MBLAC2: variants seen among roughly 807,000 people sequenced by gnomAD.
MBLAC2 encodes metallo-beta-lactamase domain containing 2, also known as acyl-coenzyme A thioesterase MBLAC2.
In MBLAC2, 24 loss-of-function variants were observed where a neutral mutation model predicts 23.3. The observed-to-expected ratio is 1.03, with a 90% CI of 0.75 to 1.45. The LOEUF is 1.45. MBLAC2 is among the 40% of genes most tolerant of loss of function. The probability of loss-of-function intolerance (pLI) is 0.00; values close to 1 mark genes in which losing one functional copy is unlikely to be tolerated. For missense variants in MBLAC2, 358 were observed against 370.0 expected (o/e 0.97, Z 0.27); for synonymous variants, 162 against 150.9 (o/e 1.07, Z -0.54).
At chr5:90,465,216 A>C (rs1750428589) in intron 1 of MBLAC2, among the ~76,000 whole-genome samples, 1 of 152,236 alleles carries the variant, frequency 6.6e-6, no homozygotes, top group South Asian at 2.1e-4. Context: ...ATCAAAAATG[A>C]ATTTTAAGAC....
chr5:90,461,639 A>G, intron 1 of MBLAC2, 87 bp from the exon 2 acceptor site: 2 of 1,245,218 alleles, frequency 1.6e-6, no homozygotes, highest in Non-Finnish European at 2.2e-6. Context: ...ATGCTTCCAA[A>G]GAAATTGGGA....
At chr5:90,467,755 G>A (rs985740195) in intron 1 of MBLAC2, among the ~76,000 whole-genome samples, 87 of 101,914 alleles carry the variant, frequency 8.5e-4, no homozygotes, top group African/African-American at 3.2e-3. Flanking sequence ...TGGGGGGGGC[G>A]GTTTGTTTGT....
In MBLAC2 at chr5:90,461,537, A is replaced by G. The variant is rs779764179; in HGVS notation, c.470T>C (p.Leu157Pro). 6.2e-7 allele frequency: 1 copy of G among 1,610,254 alleles called. No individual in the cohort carries two copies. Among genetic ancestry groups the G allele is most frequent in the Non-Finnish European group, 8.5e-7 (1 of 1,178,144 alleles). The change falls in exon 2 of 2, where the codon CTT becomes CCT. Residue 157 changes from leucine to proline, a missense_variant. Transcript: ENST00000316610. Reference sequence around the variant, plus strand: ...CATAACAGTGAGCTGTCTGTCACCAAGGTTGATCACATCCCCTACAAATGG... The same window carrying G: ...CATAACAGTGAGCTGTCTGTCACCAGGGTTGATCACATCCCCTACAAATGG... Reference protein sequence around the residue: ...LILQDGDVINLGDRQLTVMHM... With the variant: ...LILQDGDVINPGDRQLTVMHM...
intron 1 of MBLAC2, chr5:90,472,488 A>C (rs1750571709): frequency 6.6e-6 from 1 of 151,776 alleles, no homozygotes; most frequent in South Asian, 2.1e-4. Context: ...GGTGGGTGTG[A>C]GGTACAGAAT....
At position 90,458,500 on chromosome 5, in the gene MBLAC2, A is replaced by G. The variant is rs1750303172; in HGVS notation, c.*2667T>C. ...AACTTTGAATTATACTTACATACTA[A>G]TATTTCCAAAAATCATTTAAGTTAC... On this transcript the variant is annotated 3_prime_UTR_variant, in exon 2 of 2. Transcript: ENST00000316610. The G allele has an allele frequency of 6.6e-6, 1 of 152,224 alleles. No individual in the cohort carries two copies. Among genetic ancestry groups the G allele is most frequent in the Non-Finnish European group, 1.5e-5 (1 of 68,022 alleles). 9.4% of individuals were successfully genotyped at this position (152,224 alleles called of 1,614,324 possible).
rs1272373341 is a variant in MBLAC2, at chr5:90,474,712, G to A, written c.-420C>T. ...GAAGAGCTAGAACCGCCCACCCACT[G>A]GCTCTGCAGGGCGCGCACTCCCAGC... On this transcript the variant is annotated 5_prime_UTR_variant, in exon 1 of 2. Coordinates refer to ENST00000316610, the MANE Select transcript of MBLAC2 (RefSeq NM_203406.2). The A allele has an allele frequency of 9.7e-6, 2 of 207,160 alleles. No homozygotes were observed. Among genetic ancestry groups the A allele is most frequent in the Non-Finnish European group, 1.9e-5 (2 of 103,090 alleles). 12.8% of individuals were successfully genotyped at this position (207,160 alleles called of 1,614,324 possible). A position where few individuals can be genotyped will look rare whatever the true frequency, so the allele number is the denominator to read the frequency against.
rs1001341621 is a variant in MBLAC2 at position 90,473,676 on chromosome 5, G to A, written c.454+163C>T. Reference sequence around the variant, plus strand: ...GAAGGCTGTGATGGCCTTGACTCTGGTCAAGTGGGTTTTTACTCAGGGAAG... The same window carrying A: ...GAAGGCTGTGATGGCCTTGACTCTGATCAAGTGGGTTTTTACTCAGGGAAG... On this transcript the variant is annotated intron_variant, in intron 1 of 1. Coordinates refer to ENST00000316610, the MANE Select transcript of MBLAC2 (RefSeq NM_203406.2). 16 of 747,146 alleles carry A rather than the reference G, an allele frequency of 2.1e-5. No homozygotes were observed. In the Admixed American group the frequency reaches 2.2e-4, roughly 10 times the overall value. 46.3% of individuals were successfully genotyped at this position (747,146 alleles called of 1,614,324 possible). A position where few individuals can be genotyped will look rare whatever the true frequency, so the allele number is the denominator to read the frequency against.
Position 90,459,076 on chromosome 5 carries a change from A to G in MBLAC2, c.*2091T>C, listed in dbSNP as rs1750312595. On this transcript the variant is annotated 3_prime_UTR_variant, in exon 2 of 2. Transcript: ENST00000316610. Reference sequence around the variant, plus strand: ...ATATGATAAAAATGGTCAGTGGTTAAGGACTTTTGGTTTTCCTTTGTGCTA... The same window carrying G: ...ATATGATAAAAATGGTCAGTGGTTAGGGACTTTTGGTTTTCCTTTGTGCTA... 1 of 152,578 alleles carries G rather than the reference A, an allele frequency of 6.6e-6. No individual in the cohort carries two copies. The highest frequency in any genetic ancestry group is 2.4e-5 in the African/African-American group (1 of 41,446). The allele number at this position is 152,578 out of a possible 1,614,324, so 9.5% of individuals were successfully genotyped here. A position where few individuals can be genotyped will look rare whatever the true frequency, so the allele number is the denominator to read the frequency against.
At chr5:90,471,602 T>C (rs1264449473) in intron 1 of MBLAC2, 1 of 152,132 alleles carries the variant, frequency 6.6e-6, no homozygotes, top group East Asian at 1.9e-4. Flanking sequence ...TGCTTCTCCA[T>C]GACAAGTGAT....
intron 1 of MBLAC2, among the ~76,000 whole-genome samples, chr5:90,463,085 TTTTG>T (rs1308444413): frequency 6.6e-6 from 1 of 152,222 alleles, no homozygotes; most frequent in East Asian, 1.9e-4. Context: ...CATGTAGTCT[TTTTG>T]TTTGTTTTTT....
At position 90,461,068 on chromosome 5, in the gene MBLAC2, G is replaced by T; in HGVS notation, c.*99C>A. ...AATCTTTCTCTGATATATAATAGTG[G>T]TATAAAAGCACTTCATGAAATGCTC... On this transcript the variant is annotated 3_prime_UTR_variant, in exon 2 of 2. Transcript: ENST00000316610. 3.2e-6 allele frequency: 3 copies of T among 935,194 alleles called. No individual in the cohort carries two copies. Among genetic ancestry groups the T allele is most frequent in the Admixed American group, 3.2e-5 (1 of 31,088 alleles). The allele number at this position is 935,194 out of a possible 1,614,324, so 57.9% of individuals were successfully genotyped here. A position where few individuals can be genotyped will look rare whatever the true frequency, so the allele number is the denominator to read the frequency against.
chr5:90,469,079 G>C (rs1006019928), intron 1 of MBLAC2, among the ~76,000 whole-genome samples: 1 of 151,978 alleles, frequency 6.6e-6, no homozygotes, highest in Admixed American at 6.6e-5. Context: ...AAATAACCAA[G>C]ATCAGCCTCC....
intron 1 of MBLAC2, among the ~76,000 whole-genome samples, chr5:90,464,149 A>G (rs1407604415): frequency 6.6e-6 from 1 of 152,252 alleles, no homozygotes; most frequent in Non-Finnish European, 1.5e-5. Context: ...AATTCTGTCA[A>G]TCATTTTATA....
chr5:90,465,844 G>A (rs1043847327), intron 1 of MBLAC2, among the ~76,000 whole-genome samples: 8 of 152,148 alleles, frequency 5.3e-5, no homozygotes, highest in Non-Finnish European at 8.8e-5. Context: ...TGGGATTACA[G>A]GTGAGTCACC....
intron 1 of MBLAC2, chr5:90,473,592 C>T (rs1750610821): frequency 3.0e-6 from 2 of 658,726 alleles, no homozygotes; most frequent in Non-Finnish European, 2.7e-6. Context: ...GGGGGTGGTG[C>T]CGGCTTTCAA....
At chr5:90,469,912 C>T (rs1561240358) in intron 1 of MBLAC2, among the ~76,000 whole-genome samples, 1 of 152,112 alleles carries the variant, frequency 6.6e-6, no homozygotes, top group Admixed American at 6.5e-5. Flanking sequence ...AATCAGAATA[C>T]TAAAGAGATA....
At chr5:90,463,143 G>T (rs1750392929) in intron 1 of MBLAC2, among the ~76,000 whole-genome samples, 1 of 152,238 alleles carries the variant, frequency 6.6e-6, no homozygotes, top group African/African-American at 2.4e-5. Flanking sequence ...GAGTGCAGTG[G>T]CGCAATCTTG....
chr5:90,473,703 G>GTGAA, intron 1 of MBLAC2, 136 bp downstream of exon 1: 1 of 868,172 alleles, frequency 1.2e-6, no homozygotes, highest in East Asian at 2.6e-5. Flanking sequence ...TCAGGGAAGG[G>GTGAA]TGAAACAGAA....
chr5:90,461,379 C>T lies in MBLAC2; in HGVS notation c.628G>A (p.Gly210Arg). 1.2e-6 allele frequency: 2 copies of T among 1,614,142 alleles called. No individual in the cohort carries two copies. The highest frequency in any genetic ancestry group is 2.7e-5 in the African/African-American group (2 of 75,028). Residue 210 changes from glycine to arginine, a missense_variant, in exon 2 of 2, where the codon GGA becomes AGA. By Grantham distance (125) the Gly-to-Arg change is moderately radical. Coordinates refer to ENST00000316610, the MANE Select transcript of MBLAC2 (RefSeq NM_203406.2). ...LPYSRISDYV[G>R]TCERLIELVD... is the part of the protein sequence containing the mutation. ...AATTCTATTAGACGTTCACAAGTTC[C>T]AACATAGTCACTTATCCTGCTGTAT...
Sources: gnomAD v4.1 joint callset for allele counts (sites outside exome capture counted in the v4.1 genomes callset) on GRCh38, gnomAD v4.1.1 for gene constraint, MANE v1.5 for transcripts, NCBI Gene and HGNC (gene_info 2026-07-23, HGNC 2026-07-21) for gene names.